Variants in ZFHX3 observed in about 807,000 individuals in gnomAD.
The protein encoded by ZFHX3 is zinc finger homeobox protein 3.
In ZFHX3, 42 loss-of-function variants were observed where a neutral mutation model predicts 279.1. The observed-to-expected ratio is 0.15, with a 90% CI of 0.12 to 0.19. ZFHX3 has a LOEUF of 0.19. ZFHX3 is among the 10% of genes least tolerant of loss of function. The probability of loss-of-function intolerance (pLI) is 1.00; values close to 1 mark genes in which losing one functional copy is unlikely to be tolerated. For synonymous variants in ZFHX3, 2,293 were observed against 1,957.8 expected (o/e 1.17, Z -4.52); for missense variants, 4,981 against 4,754.0 (o/e 1.05, Z -1.40).
chr16:73,532,124 T>C (rs2019815436), intron 2 of ZFHX3, among the ~76,000 whole-genome samples: 1 of 151,852 alleles, frequency 6.6e-6, no homozygotes, highest in Non-Finnish European at 1.5e-5. Context: ...GACAGAATAT[T>C]GTTATCTTAG....
intron 1 of ZFHX3, among the ~76,000 whole-genome samples, chr16:73,026,440 G>A (rs1964502715): frequency 1.3e-5 from 2 of 152,076 alleles, no homozygotes; most frequent in Admixed American, 1.3e-4. Flanking sequence ...GGGAGGCCAA[G>A]GCGGGTGGAT....
intron 3 of ZFHX3, among the ~76,000 whole-genome samples, chr16:72,917,522 T>C (rs371822864): frequency 2.9e-4 from 44 of 152,362 alleles, no homozygotes; most frequent in African/African-American, 9.9e-4. Flanking sequence ...GTAACTAAAT[T>C]GCAGCACCTT....
At chr16:73,287,076 G>A (rs979372497) in intron 4 of ZFHX3, among the ~76,000 whole-genome samples, 12 of 150,516 alleles carry the variant, frequency 8.0e-5, no homozygotes, top group African/African-American at 2.9e-4. Context: ...GTGTGTGGCT[G>A]TGTGGGTGTG....
At chr16:73,606,181 A>T (rs1172046217) in intron 2 of ZFHX3, among the ~76,000 whole-genome samples, 1 of 1,404 alleles carries the variant, frequency 7.1e-4, no homozygotes, top group Non-Finnish European at 4.3e-3. Flanking sequence ...GGCTCCATCT[A>T]AAAAAAAAAA....
At position 72,843,707 on chromosome 16, in the gene ZFHX3, C is replaced by T. The variant is rs1016231584; in HGVS notation, c.3449-13848G>A. Among the ~76,000 whole-genome samples, 11 of 152,124 alleles carry T rather than the reference C, an allele frequency of 7.2e-5. No individual in the cohort carries two copies. The South Asian group carries it at 8.3e-4, about 12-fold the overall frequency. On this transcript the variant is annotated intron_variant, in intron 4 of 9. Coordinates refer to ENST00000268489, the MANE Select transcript of ZFHX3 (RefSeq NM_006885.4). ...CCCTGCTCCCTGGGTGCTGGCTCTG[C>T]GGGAATCTTCCCTCCATCAAGGTGG...
intron 3 of ZFHX3, among the ~76,000 whole-genome samples, chr16:73,366,537 G>T (rs1242354392): frequency 6.8e-6 from 1 of 147,652 alleles, no homozygotes; most frequent in Non-Finnish European, 1.5e-5. Flanking sequence ...TTTGAGACCA[G>T]CCTTGGCAAT....
intron 2 of ZFHX3, among the ~76,000 whole-genome samples, chr16:73,576,217 C>T (rs924757689): frequency 2.0e-5 from 3 of 152,118 alleles, no homozygotes; most frequent in Non-Finnish European, 4.4e-5. Flanking sequence ...TCTGTACATA[C>T]GATTTAATCC....
chr16:72,877,697 G>A (rs1007670574), intron 4 of ZFHX3, among the ~76,000 whole-genome samples: 27 of 152,188 alleles, frequency 1.8e-4, no homozygotes, highest in African/African-American at 4.8e-4. Context: ...TCTGATCCCT[G>A]GGCTAAAACA....
chr16:73,479,179 G>A (rs2143621470), intron 2 of ZFHX3, among the ~76,000 whole-genome samples: 1 of 152,266 alleles, frequency 6.6e-6, no homozygotes, highest in East Asian at 1.9e-4. Flanking sequence ...GAAGATGGAA[G>A]CCACCTGTTC....
At chr16:73,199,778 A>G (rs1444118224) in intron 5 of ZFHX3, among the ~76,000 whole-genome samples, 1 of 152,218 alleles carries the variant, frequency 6.6e-6, no homozygotes, top group Non-Finnish European at 1.5e-5. Context: ...TCCAGGTGCT[A>G]CAGTGAGAGG....
chr16:72,859,856 A>T (rs1205554812), intron 4 of ZFHX3, among the ~76,000 whole-genome samples: 1 of 152,192 alleles, frequency 6.6e-6, no homozygotes, highest in East Asian at 1.9e-4. Context: ...AGATCAGAAG[A>T]GTTTACAGAA....
At chr16:73,374,250 A>G (rs2016683543) in intron 3 of ZFHX3, among the ~76,000 whole-genome samples, 1 of 152,246 alleles carries the variant, frequency 6.6e-6, no homozygotes, top group South Asian at 2.1e-4. Context: ...TGTATAGTAT[A>G]TGAAATTATA....
intron 5 of ZFHX3, among the ~76,000 whole-genome samples, chr16:73,158,589 T>C (rs1967153060): frequency 6.6e-6 from 1 of 152,226 alleles, no homozygotes; most frequent in Non-Finnish European, 1.5e-5. Flanking sequence ...CTTATTCTTC[T>C]AGATTCTTTA....
chr16:72,931,309 G>A (rs1597388356), intron 3 of ZFHX3, among the ~76,000 whole-genome samples: 1 of 151,826 alleles, frequency 6.6e-6, no homozygotes, highest in African/African-American at 2.4e-5. Flanking sequence ...TTCGCATTAA[G>A]TTCTCCTTCT....
At chr16:73,724,718 C>T (rs553674511) in intron 1 of ZFHX3, among the ~76,000 whole-genome samples, 1 of 152,306 alleles carries the variant, frequency 6.6e-6, no homozygotes, top group African/African-American at 2.4e-5. Context: ...TGGCTCAAGA[C>T]CTCAGCATCA....
intron 3 of ZFHX3, among the ~76,000 whole-genome samples, chr16:73,388,664 G>C (rs1358286240): frequency 1.3e-5 from 2 of 152,140 alleles, no homozygotes; most frequent in Admixed American, 1.3e-4. Flanking sequence ...GAGAGTCGAA[G>C]ACTTCCTGAT....
chr16:72,900,344 T>G (rs974108344), intron 3 of ZFHX3, among the ~76,000 whole-genome samples: 1 of 152,118 alleles, frequency 6.6e-6, no homozygotes, highest in Non-Finnish European at 1.5e-5. Context: ...TATTTGTATC[T>G]CCAATCCCAT....
chr16:72,795,067 A>G lies in ZFHX3; in HGVS notation c.7615T>C (p.Phe2539Leu). 6.2e-7 allele frequency: 1 copy of G among 1,614,154 alleles called. No homozygotes were observed. Among genetic ancestry groups the G allele is most frequent in the Non-Finnish European group, 8.5e-7 (1 of 1,180,032 alleles). Reference sequence around the variant, plus strand: ...TCCTGCCAGTGCTCAAATGACGGAAATGCCAACTTACACTGGTCACACTGG... The same window carrying G: ...TCCTGCCAGTGCTCAAATGACGGAAGTGCCAACTTACACTGGTCACACTGG... ...PYQCDQCKLA[F>L]PSFEHWQEHQ... is the part of the protein sequence containing the mutation. The change falls in exon 9 of 10, where the codon TTT (phenylalanine) becomes CTT (leucine). Residue 2539 changes from phenylalanine to leucine, a missense_variant. Transcript: ENST00000268489.
intron 5 of ZFHX3, 151 bp from the exon 6 acceptor site, chr16:72,812,189 C>G: frequency 8.5e-7 from 1 of 1,169,892 alleles, no homozygotes; most frequent in African/African-American, 1.6e-5. Context: ...ACTGATTTAT[C>G]AAGCATGTTG....
Sources: gnomAD v4.1 joint callset for allele counts (sites outside exome capture counted in the v4.1 genomes callset) on GRCh38, gnomAD v4.1.1 for gene constraint, MANE v1.5 for transcripts, NCBI Gene and HGNC (gene_info 2026-07-23, HGNC 2026-07-21) for gene names.